NIPBL: variants seen among roughly 807,000 people sequenced by gnomAD.
NIPBL encodes the protein nipped-B-like protein.
NIPBL carries 19 observed loss-of-function variants against 321.8 expected under a neutral mutation model. That is an observed-to-expected ratio of 0.06 (90% CI 0.04 to 0.09). NIPBL has a LOEUF of 0.09. NIPBL is among the 10% of genes least tolerant of loss of function. The pLI is 1.00. For missense variants in NIPBL, 2,210 were observed against 3,327.0 expected (o/e 0.66, Z 8.26); for synonymous variants, 1,106 against 1,114.1 (o/e 0.99, Z 0.14).
chr5:37,007,314 TC>T lies in NIPBL; in HGVS notation c.4088-8del, dbSNP rs762012135. 11 of 1,609,420 alleles carry T rather than the reference TC, an allele frequency of 6.8e-6. No homozygotes were observed. Among genetic ancestry groups the T allele is most frequent in the Non-Finnish European group, 9.3e-6 (11 of 1,176,660 alleles). ...ATGTTTTCCTTATCTTGAATTTGTTTCATTTTAGGAGGCTTATTAAGTTCAA... is the reference window on the plus strand; with the variant it reads ...ATGTTTTCCTTATCTTGAATTTGTTTATTTTAGGAGGCTTATTAAGTTCAA... On this transcript the variant is annotated splice_polypyrimidine_tract_variant and splice_region_variant and intron_variant, in intron 17 of 46. Coordinates refer to ENST00000282516, the MANE Select transcript of NIPBL (RefSeq NM_133433.4).
chr5:36,958,507 ATTAAT>A (rs1741240304), intron 4 of NIPBL, among the ~76,000 whole-genome samples: 1 of 152,206 alleles, frequency 6.6e-6, no homozygotes, highest in African/African-American at 2.4e-5. Flanking sequence ...GAAAATCAGA[ATTAAT>A]TTGAAATAAG....
intron 34 of NIPBL, among the ~76,000 whole-genome samples, chr5:37,040,830 A>G (rs933047239): frequency 2.6e-5 from 4 of 152,198 alleles, no homozygotes; most frequent in African/African-American, 7.2e-5. Context: ...GTATGTGACA[A>G]TCATTGTCAT....
chr5:36,970,536 G>T (rs890328699), intron 6 of NIPBL, among the ~76,000 whole-genome samples: 35 of 151,310 alleles, frequency 2.3e-4, no homozygotes, highest in Non-Finnish European at 4.4e-4. Flanking sequence ...AATTACTTAG[G>T]AATATATTCA....
At chr5:36,955,682 G>A (rs112898830) in intron 3 of NIPBL, 45 bp downstream of exon 3, 1 of 1,531,080 alleles carries the variant, frequency 6.5e-7, no homozygotes, top group South Asian at 1.1e-5. Flanking sequence ...AAAAGTTTTG[G>A]CCTTACTAAG....
In NIPBL at chr5:36,976,257, T is replaced by G. The variant is rs764993497; in HGVS notation, c.1350T>G (p.Thr450=). The change falls in exon 9 of 47, where the codon ACT becomes ACG. Residue 450 remains threonine, a synonymous_variant. Transcript: ENST00000282516. ...NTSVAAKQPQ[T]SVVQNQQQIS... Reference sequence around the variant, plus strand: ...CAGTTGCTGCAAAACAACCCCAGACTTCTGTGGTACAGAATCAACAACAGA... The same window carrying G: ...CAGTTGCTGCAAAACAACCCCAGACGTCTGTGGTACAGAATCAACAACAGA... The G allele has an allele frequency of 6.2e-7, 1 of 1,613,844 alleles. No individual in the cohort carries two copies. Among genetic ancestry groups the G allele is most frequent in the South Asian group, 1.1e-5 (1 of 91,054 alleles).
Position 36,923,054 on chromosome 5 carries a change from C to T in NIPBL, c.-79-30564C>T, listed in dbSNP as rs574885665. Among the ~76,000 whole-genome samples the T allele has an allele frequency of 1.0e-3, 156 of 152,142 alleles. 1 individual carries two copies. Among genetic ancestry groups the T allele is most frequent in the South Asian group, 3.7e-3 (18 of 4,812 alleles). Reference sequence around the variant, plus strand: ...CTGTAATCCCAGAACTTTGGGAGGCCGAGGCGGGCGGATCACGAGGTCAAG... The same window carrying T: ...CTGTAATCCCAGAACTTTGGGAGGCTGAGGCGGGCGGATCACGAGGTCAAG... On this transcript the variant is annotated intron_variant, in intron 1 of 46. Coordinates refer to ENST00000282516, the MANE Select transcript of NIPBL (RefSeq NM_133433.4).
At chr5:37,010,346 C>G in intron 21 of NIPBL, 121 bp downstream of exon 21, 1 of 802,718 alleles carries the variant, frequency 1.2e-6, no homozygotes, top group Non-Finnish European at 1.9e-6. Flanking sequence ...GACGGAGTCT[C>G]GCTCTGTCAC....
chr5:37,027,517 G>T, intron 32 of NIPBL, 105 bp downstream of exon 32: 5 of 672,588 alleles, frequency 7.4e-6, no homozygotes, highest in Non-Finnish European at 5.0e-6. Context: ...AACCTTTTTA[G>T]TTCTTTTGGT....
At chr5:37,031,645 C>T (rs1751030818) in intron 32 of NIPBL, among the ~76,000 whole-genome samples, 1 of 152,184 alleles carries the variant, frequency 6.6e-6, no homozygotes, top group South Asian at 2.1e-4. Flanking sequence ...TTCATCTCTT[C>T]CTGTCCTTTG....
chr5:37,055,537 A>C (rs950949720), intron 42 of NIPBL, among the ~76,000 whole-genome samples: 2 of 152,070 alleles, frequency 1.3e-5, no homozygotes, highest in African/African-American at 4.8e-5. Flanking sequence ...TGAGGAGTAC[A>C]TAAAAAGGGA....
intron 10 of NIPBL, among the ~76,000 whole-genome samples, chr5:36,994,268 T>C (rs906386010): frequency 3.9e-5 from 6 of 152,196 alleles, no homozygotes; most frequent in Admixed American, 6.5e-5. Context: ...TTACCAGTCA[T>C]GAGTATTTCA....
In NIPBL at chr5:37,008,734, A is replaced by G; in HGVS notation, c.4421+11A>G. 7.5e-7 allele frequency: 1 copy of G among 1,336,882 alleles called. No homozygotes were observed. Among genetic ancestry groups the G allele is most frequent in the Non-Finnish European group, 1.1e-6 (1 of 927,292 alleles). 82.8% of individuals were successfully genotyped at this position (1,336,882 alleles called of 1,614,324 possible). On this transcript the variant is annotated intron_variant, in intron 20 of 46. Transcript: ENST00000282516. ...TTTAAGGAACTTCAGGTAATTAATT[A>G]TAACAGAGGTCAAGTTTAATGAAGA...
At chr5:36,952,784 CAT>C in intron 1 of NIPBL, among the ~76,000 whole-genome samples, 1 of 152,224 alleles carries the variant, frequency 6.6e-6, no homozygotes, top group East Asian at 1.9e-4. Flanking sequence ...TTGTAAGAAA[CAT>C]GTAGTGATAG....
intron 1 of NIPBL, among the ~76,000 whole-genome samples, chr5:36,904,020 A>G (rs1273473746): frequency 6.6e-6 from 1 of 152,164 alleles, no homozygotes; most frequent in Non-Finnish European, 1.5e-5. Flanking sequence ...AGCCAGAATT[A>G]TATGTGCTCT....
chr5:37,014,592 T>C (rs1269786140), intron 21 of NIPBL, 91 bp from the exon 22 acceptor site: 4 of 784,452 alleles, frequency 5.1e-6, no homozygotes, highest in South Asian at 4.6e-5. Flanking sequence ...TATTTAAATA[T>C]ATTACCCCTC....
intron 43 of NIPBL, among the ~76,000 whole-genome samples, chr5:37,058,298 G>A (rs901658226): frequency 6.6e-6 from 1 of 152,132 alleles, no homozygotes; most frequent in Non-Finnish European, 1.5e-5. Context: ...TACTGGTATG[G>A]CTATCTTTGT....
intron 1 of NIPBL, among the ~76,000 whole-genome samples, chr5:36,888,320 C>T (rs1303123829): frequency 6.6e-6 from 1 of 152,058 alleles, no homozygotes; most frequent in Non-Finnish European, 1.5e-5. Flanking sequence ...ACTTACAGCC[C>T]AGTTTATCAG....
intron 1 of NIPBL, among the ~76,000 whole-genome samples, chr5:36,911,421 C>T (rs1040901186): frequency 6.6e-6 from 1 of 152,196 alleles, no homozygotes; most frequent in Non-Finnish European, 1.5e-5. Flanking sequence ...CTCTTTAAGG[C>T]TGAAAACTGC....
intron 11 of NIPBL, chr5:36,997,096 A>T (rs539593230): frequency 6.6e-6 from 1 of 152,374 alleles, no homozygotes; most frequent in East Asian, 1.9e-4. Context: ...TTTTATTACA[A>T]TCAGATATTT....
Sources: gnomAD v4.1 joint callset for allele counts (sites outside exome capture counted in the v4.1 genomes callset) on GRCh38, gnomAD v4.1.1 for gene constraint, MANE v1.5 for transcripts, NCBI Gene and HGNC (gene_info 2026-07-23, HGNC 2026-07-21) for gene names.